The following TAFA4 variants were observed in gnomAD, a reference collection of about 807,000 sequenced individuals.
The protein encoded by TAFA4 is chemokine-like protein TAFA-4.
TAFA4 carries 20 observed loss-of-function variants against 21.1 expected under a neutral mutation model. The ratio of observed to expected loss-of-function variants is 0.95; its 90% CI spans 0.67 to 1.38. TAFA4 has a LOEUF of 1.38. TAFA4 is among the 40% of genes most tolerant of loss of function. The pLI is 0.00. For synonymous variants in TAFA4, 71 were observed against 67.4 expected, an observed-to-expected ratio of 1.05 and a Z score of -0.26; for missense variants, 211 against 180.9, an observed-to-expected ratio of 1.17 and a Z score of -0.95.
intron 3 of TAFA4, among the ~76,000 whole-genome samples, chr3:68,844,411 CTTCT>C (rs1487149569): frequency 6.6e-6 from 1 of 151,112 alleles, no homozygotes; most frequent in Non-Finnish European, 1.5e-5. Context: ...TCCCTCTTTT[CTTCT>C]TTATTAGTCT....
At chr3:68,908,017 C>T (rs1480061706) in intron 1 of TAFA4, among the ~76,000 whole-genome samples, 1 of 152,084 alleles carries the variant, frequency 6.6e-6, no homozygotes, top group East Asian at 1.9e-4. Flanking sequence ...TTTTCATACT[C>T]ACTGAAGCTG....
intron 3 of TAFA4, among the ~76,000 whole-genome samples, chr3:68,872,597 C>T (rs1240306763): frequency 1.3e-5 from 2 of 152,040 alleles, no homozygotes; most frequent in South Asian, 2.1e-4. Context: ...TTGGGGTGAT[C>T]GATGTTGCAA....
chr3:68,737,546 C>T (rs957971382), intron 5 of TAFA4, among the ~76,000 whole-genome samples: 4 of 152,038 alleles, frequency 2.6e-5, no homozygotes, highest in African/African-American at 4.8e-5. Flanking sequence ...GAGAATCAAC[C>T]GACAACTATT....
chr3:68,893,125 C>A (rs2089748279), intron 1 of TAFA4, among the ~76,000 whole-genome samples: 1 of 152,172 alleles, frequency 6.6e-6, no homozygotes, highest in East Asian at 1.9e-4. Flanking sequence ...TCTCATTTCT[C>A]ATTTTTCAAA....
chr3:68,825,451 G>T (rs1704208061), intron 3 of TAFA4, among the ~76,000 whole-genome samples: 1 of 151,878 alleles, frequency 6.6e-6, no homozygotes, highest in Non-Finnish European at 1.5e-5. Context: ...CTATTATAAA[G>T]ATACATGCAC....
At chr3:68,863,735 A>G (rs1047417000) in intron 3 of TAFA4, among the ~76,000 whole-genome samples, 1 of 152,174 alleles carries the variant, frequency 6.6e-6, no homozygotes, top group African/African-American at 2.4e-5. Flanking sequence ...GAAAAGCTCT[A>G]TGGCTGAAAT....
intron 3 of TAFA4, among the ~76,000 whole-genome samples, chr3:68,861,659 G>C (rs1372702387): frequency 6.6e-6 from 1 of 151,976 alleles, no homozygotes; most frequent in Non-Finnish European, 1.5e-5. Context: ...CCCCAGAGCA[G>C]AGTGAGCCAA....
intron 3 of TAFA4, among the ~76,000 whole-genome samples, chr3:68,817,683 T>A (rs541072268): frequency 6.6e-6 from 1 of 152,148 alleles, no homozygotes; most frequent in East Asian, 1.9e-4. Context: ...ACAACATTAA[T>A]CTCCTTGTAC....
intron 3 of TAFA4, among the ~76,000 whole-genome samples, chr3:68,845,035 C>T (rs11922247): frequency 0.28 from 43,064 of 151,974 alleles, 6,854 homozygotes; most frequent in Non-Finnish European, 0.37. Context: ...CTACTAGGTC[C>T]GCTTGGTCCA....
rs1702162917 is a variant in TAFA4 at position 68,732,302 on chromosome 3, T to C, written c.*840A>G. The C allele has an allele frequency of 6.6e-6, 1 of 152,584 alleles. No homozygotes were observed. The highest frequency in any genetic ancestry group is 1.5e-5 in the Non-Finnish European group (1 of 68,022). The allele number at this position is 152,584 out of a possible 1,614,324, so 9.5% of individuals were successfully genotyped here. A position where few individuals can be genotyped will look rare whatever the true frequency, so the allele number is the denominator to read the frequency against. On this transcript the variant is annotated 3_prime_UTR_variant, in exon 6 of 6. Transcript: ENST00000295569. ...AATCTTTTCATATAATTGGCATAAATTTGATCTAAGAAATAACCCTTGATC... is the reference window on the plus strand; with the variant it reads ...AATCTTTTCATATAATTGGCATAAACTTGATCTAAGAAATAACCCTTGATC...
chr3:68,840,295 C>T (rs1704630875), intron 3 of TAFA4, among the ~76,000 whole-genome samples: 1 of 152,180 alleles, frequency 6.6e-6, no homozygotes, highest in African/African-American at 2.4e-5. Flanking sequence ...GCAGCCCCGA[C>T]CTCCTGGGTT....
At chr3:68,797,040 C>T (rs868745456) in intron 3 of TAFA4, among the ~76,000 whole-genome samples, 9 of 152,258 alleles carry the variant, frequency 5.9e-5, no homozygotes, top group South Asian at 4.1e-4. Context: ...CCTTTGTGCA[C>T]TGCTGGCAGA....
At chr3:68,790,632 C>T (rs1222076504) in intron 3 of TAFA4, among the ~76,000 whole-genome samples, 1 of 152,040 alleles carries the variant, frequency 6.6e-6, no homozygotes, top group Non-Finnish European at 1.5e-5. Context: ...TATGAGAATC[C>T]CCTAAATGAC....
intron 1 of TAFA4, among the ~76,000 whole-genome samples, chr3:68,893,238 A>G (rs1011586720): frequency 6.6e-6 from 1 of 152,194 alleles, no homozygotes; most frequent in Non-Finnish European, 1.5e-5. Flanking sequence ...TTTTATCTGA[A>G]AAGTTTTTAC....
At chr3:68,763,635 C>G (rs949026397) in intron 3 of TAFA4, among the ~76,000 whole-genome samples, 1 of 152,122 alleles carries the variant, frequency 6.6e-6, no homozygotes, top group Non-Finnish European at 1.5e-5. Flanking sequence ...CTCATCACTT[C>G]TAATAAGTCT....
chr3:68,795,001 TACACACACACACAC>T (rs3048125), intron 3 of TAFA4, among the ~76,000 whole-genome samples: 7 of 144,070 alleles, frequency 4.9e-5, no homozygotes, highest in Non-Finnish European at 1.1e-4. Context: ...TGTGTCTCAA[TACACACACACACAC>T]ACACACACAC....
At chr3:68,913,897 G>C (rs897597274) in intron 1 of TAFA4, among the ~76,000 whole-genome samples, 21 of 152,120 alleles carry the variant, frequency 1.4e-4, no homozygotes, top group African/African-American at 4.8e-4. Context: ...ACCCAATTAA[G>C]TGTGTTAATA....
chr3:68,929,207 C>T (rs1247486166), intron 1 of TAFA4, among the ~76,000 whole-genome samples: 12 of 152,146 alleles, frequency 7.9e-5, no homozygotes, highest in Admixed American at 7.9e-4. Flanking sequence ...GTCAGGGCTG[C>T]CATACCATAC....
chr3:68,811,122 G>C (rs1703827365), intron 3 of TAFA4, among the ~76,000 whole-genome samples: 1 of 152,180 alleles, frequency 6.6e-6, no homozygotes, highest in Non-Finnish European at 1.5e-5. Flanking sequence ...CTGACTGTTA[G>C]AAGGAAAACT....
Sources: gnomAD v4.1 joint callset for allele counts (sites outside exome capture counted in the v4.1 genomes callset) on GRCh38, gnomAD v4.1.1 for gene constraint, MANE v1.5 for transcripts, NCBI Gene and HGNC (gene_info 2026-07-23, HGNC 2026-07-21) for gene names.